The following TASP1 variants were observed in gnomAD, a reference collection of about 807,000 sequenced individuals.
TASP1 encodes the protein taspase 1, also known as threonine aspartase 1.
In TASP1, 16 loss-of-function variants were observed where a neutral mutation model predicts 56.6. That is an observed-to-expected ratio of 0.28 (90% CI 0.19 to 0.43). TASP1 has a LOEUF of 0.43. Among genes scored for constraint, TASP1 ranks in the 20% least tolerant of loss-of-function variants. TASP1 has a pLI of 1.00. For missense variants in TASP1, 393 were observed against 511.6 expected (o/e 0.77, Z 2.24); for synonymous variants, 179 against 184.2 (o/e 0.97, Z 0.23).
intron 11 of TASP1, among the ~76,000 whole-genome samples, chr20:13,470,080 T>A (rs1183508189): frequency 6.6e-6 from 1 of 151,990 alleles, no homozygotes; most frequent in East Asian, 1.9e-4. Flanking sequence ...ATGTGATTTT[T>A]AATCATCCAT....
the TASP1 span, among the ~76,000 whole-genome samples, chr20:13,251,552 A>C: frequency 6.6e-6 from 1 of 152,194 alleles, no homozygotes; most frequent in East Asian, 1.9e-4. Context: ...ATCTGGCATG[A>C]GAGAAAGTGA....
chr20:13,569,413 T>A, intron 7 of TASP1, 94 bp downstream of exon 7: 1 of 892,924 alleles, frequency 1.1e-6, no homozygotes. Context: ...TATTCTTCCA[T>A]AAATATCTGT....
Position 13,630,080 on chromosome 20 carries a change from C to T in TASP1, c.-2G>A, listed in dbSNP as rs540029870. The T allele has an allele frequency of 1.9e-6, 3 of 1,611,646 alleles. No individual in the cohort carries two copies. The Admixed American group carries it at 5.0e-5, about 27-fold the overall frequency. ...ACTCATCCCCTTCTCCATGGTCATT[C>T]TCCAAGATTACCATCTTCTACTGAG... On this transcript the variant is annotated 5_prime_UTR_variant, in exon 2 of 14. Transcript: ENST00000337743.
At chr20:13,340,794 C>A in the TASP1 span, among the ~76,000 whole-genome samples, 7 of 152,240 alleles carry the variant, frequency 4.6e-5, no homozygotes, top group African/African-American at 1.7e-4. Flanking sequence ...AAATTTACCA[C>A]TGAAATCAAC....
the TASP1 span, among the ~76,000 whole-genome samples, chr20:13,317,119 G>A: frequency 6.6e-6 from 1 of 151,736 alleles, no homozygotes; most frequent in Admixed American, 6.6e-5. Flanking sequence ...ATACACAAAT[G>A]TTCATTGCTG....
chr20:13,219,141 G>A, the TASP1 span, among the ~76,000 whole-genome samples: 1 of 152,222 alleles, frequency 6.6e-6, no homozygotes, highest in African/African-American at 2.4e-5. Flanking sequence ...AGGACACAGC[G>A]GCCCCTGGAT....
At chr20:13,269,172 A>G in the TASP1 span, among the ~76,000 whole-genome samples, 1 of 152,180 alleles carries the variant, frequency 6.6e-6, no homozygotes, top group South Asian at 2.1e-4. Context: ...AAAAACAAGA[A>G]CATTAACCAC....
At chr20:13,275,963 C>G in the TASP1 span, among the ~76,000 whole-genome samples, 2 of 152,336 alleles carry the variant, frequency 1.3e-5, no homozygotes, top group South Asian at 4.1e-4. Context: ...TGGCGTGCTG[C>G]AAGTCTCAAA....
At chr20:13,384,212 C>T in the TASP1 span, among the ~76,000 whole-genome samples, 1 of 152,180 alleles carries the variant, frequency 6.6e-6, no homozygotes, top group Non-Finnish European at 1.5e-5. Context: ...GCTTCTGACA[C>T]TCTGTTGACA....
the TASP1 span, among the ~76,000 whole-genome samples, chr20:13,247,520 GTGTGTGTGTGTGTGT>G: frequency 1.2e-5 from 1 of 85,324 alleles, no homozygotes; most frequent in Non-Finnish European, 2.3e-5. Context: ...AGTGAGGGGT[GTGTGTGTGTGTGTGT>G]GTGTGTGTGT....
chr20:13,164,724 G>T, the TASP1 span: 2 of 1,571,970 alleles, frequency 1.3e-6, no homozygotes, highest in South Asian at 2.3e-5. Context: ...GGTGTTCAAT[G>T]ATAGCTATTG....
the TASP1 span, among the ~76,000 whole-genome samples, chr20:13,348,006 G>T: frequency 6.6e-6 from 1 of 152,146 alleles, no homozygotes; most frequent in East Asian, 1.9e-4. Flanking sequence ...AGATATTTGC[G>T]CCCCCAGGAG....
At chr20:13,213,180 T>C in the TASP1 span, among the ~76,000 whole-genome samples, 2 of 139,950 alleles carry the variant, frequency 1.4e-5, no homozygotes, top group African/African-American at 2.7e-5. Context: ...AACTACTCTT[T>C]AGTTATTAAA....
chr20:13,117,686 A>AAGTTTTGG, the TASP1 span: 1 of 1,613,618 alleles, frequency 6.2e-7, no homozygotes, highest in East Asian at 2.2e-5. Context: ...CATTCACCAA[A>AAGTTTTGG]AGTTTTGGAG....
At chr20:13,184,396 A>G in the TASP1 span, among the ~76,000 whole-genome samples, 8 of 152,234 alleles carry the variant, frequency 5.3e-5, no homozygotes, top group South Asian at 1.7e-3. Flanking sequence ...TATCAGTAGT[A>G]TAATATATTC....
intron 13 of TASP1, among the ~76,000 whole-genome samples, chr20:13,395,457 A>C (rs974437498): frequency 8.5e-5 from 13 of 152,160 alleles, no homozygotes; most frequent in African/African-American, 3.1e-4. Flanking sequence ...AAAACATCTA[A>C]TTTTTCATGC....
chr20:13,582,252 C>A (rs1441535779), intron 5 of TASP1, among the ~76,000 whole-genome samples: 1 of 151,752 alleles, frequency 6.6e-6, no homozygotes, highest in African/African-American at 2.4e-5. Context: ...AAATCCAAAT[C>A]TTTACTCCAA....
intron 13 of TASP1, among the ~76,000 whole-genome samples, chr20:13,399,996 G>C (rs1009824049): frequency 6.6e-6 from 1 of 152,114 alleles, no homozygotes; most frequent in Non-Finnish European, 1.5e-5. Context: ...GACTTTACTC[G>C]AATGACACCT....
At chr20:13,464,991 C>A in intron 11 of TASP1, among the ~76,000 whole-genome samples, 1 of 151,128 alleles carries the variant, frequency 6.6e-6, no homozygotes, top group South Asian at 2.1e-4. Context: ...AGAGAGATTC[C>A]ATCTCTAAAA....
Sources: allele counts gnomAD v4.1 joint callset (sites outside exome capture counted in the v4.1 genomes callset), GRCh38; gene constraint gnomAD v4.1.1; transcripts MANE v1.5; gene names NCBI Gene and HGNC (gene_info 2026-07-23, HGNC 2026-07-21).